CNTNAP4: variants seen among roughly 807,000 people sequenced by gnomAD.
CNTNAP4 encodes contactin associated protein family member 4.
Under a neutral mutation model 148.4 loss-of-function variants are expected in CNTNAP4, and 98 were observed. That is an observed-to-expected ratio of 0.66 (90% confidence interval 0.56 to 0.78). CNTNAP4 has a LOEUF of 0.78. CNTNAP4 is among the 30% of genes least tolerant of loss of function. CNTNAP4 has a pLI of 0.00. For synonymous variants in CNTNAP4, 730 were observed against 565.1 expected, an observed-to-expected ratio of 1.29 and a Z score of -4.14; for missense variants, 1,935 against 1,565.6, an observed-to-expected ratio of 1.24 and a Z score of -3.98.
chr16:76,479,656 G>C (rs781617429), intron 12 of CNTNAP4, 118 bp downstream of exon 12: 29 of 999,250 alleles, frequency 2.9e-5, no homozygotes, highest in Non-Finnish European at 4.2e-5. Context: ...AATATGTATT[G>C]TTCCTTAGAA....
At chr16:76,352,478 G>T (rs1299968735) in intron 2 of CNTNAP4, among the ~76,000 whole-genome samples, 4 of 152,106 alleles carry the variant, frequency 2.6e-5, no homozygotes, top group Non-Finnish European at 4.4e-5. Flanking sequence ...TCCCACCTTT[G>T]CATCCTGACC....
chr16:76,323,518 T>C (rs1160433934), intron 2 of CNTNAP4, among the ~76,000 whole-genome samples: 3 of 152,194 alleles, frequency 2.0e-5, no homozygotes, highest in Non-Finnish European at 4.4e-5. Context: ...AATATGCTGA[T>C]ATCTTCTATT....
At chr16:76,309,890 C>A (rs1266609122) in intron 1 of CNTNAP4, 3 of 701,732 alleles carry the variant, frequency 4.3e-6, no homozygotes, top group Non-Finnish European at 7.8e-6. Flanking sequence ...CTGAGGCCTT[C>A]CCAGCTATGT....
intron 14 of CNTNAP4, among the ~76,000 whole-genome samples, chr16:76,496,045 A>T (rs2082388669): frequency 6.6e-6 from 1 of 151,236 alleles, no homozygotes; most frequent in Admixed American, 6.6e-5. Flanking sequence ...AGATTATATC[A>T]TACAACAGAT....
chr16:76,359,031 G>T (rs766591613), intron 3 of CNTNAP4, among the ~76,000 whole-genome samples: 12 of 152,116 alleles, frequency 7.9e-5, no homozygotes, highest in Non-Finnish European at 1.6e-4. Context: ...GAAATATGGT[G>T]AATTGTGCCC....
intron 1 of CNTNAP4, among the ~76,000 whole-genome samples, chr16:76,310,100 A>G (rs565635327): frequency 6.6e-6 from 1 of 151,920 alleles, no homozygotes; most frequent in African/African-American, 2.4e-5. Flanking sequence ...GCTAGTTGCT[A>G]CAGGTTCTGT....
intron 4 of CNTNAP4, among the ~76,000 whole-genome samples, chr16:76,430,438 A>G (rs544898264): frequency 6.6e-6 from 1 of 152,178 alleles, no homozygotes; most frequent in Non-Finnish European, 1.5e-5. Flanking sequence ...TCCTGTTGCA[A>G]GAGTTTGTCT....
intron 3 of CNTNAP4, among the ~76,000 whole-genome samples, chr16:76,421,767 C>A (rs1193878301): frequency 1.3e-5 from 2 of 152,124 alleles, no homozygotes; most frequent in African/African-American, 4.8e-5. Context: ...ATTCTCACAA[C>A]AAGGGAGGTT....
intron 2 of CNTNAP4, among the ~76,000 whole-genome samples, chr16:76,320,416 G>A (rs928977967): frequency 6.6e-6 from 1 of 152,122 alleles, no homozygotes; most frequent in African/African-American, 2.4e-5. Flanking sequence ...AACATTCTTG[G>A]CCTATTCATA....
At chr16:76,416,590 T>A (rs2078991533) in intron 3 of CNTNAP4, among the ~76,000 whole-genome samples, 1 of 151,478 alleles carries the variant, frequency 6.6e-6, no homozygotes, top group Non-Finnish European at 1.5e-5. Flanking sequence ...AATTCCTTTA[T>A]GACCTGAGAG....
chr16:76,449,780 A>C lies in CNTNAP4; in HGVS notation c.993A>C (p.Gly331=). Residue 331 remains glycine, a synonymous_variant, in exon 7 of 24, where the codon GGA becomes GGC. Transcript: ENST00000611870. ...SVSFPHRNFH[G]CLENLYYNGV... is the part of the protein sequence containing the mutation. ...CATTCCCACATAGAAATTTTCATGG[A>C]TGTTTAGAAAATCTCTATTATAATG... 6.3e-7 allele frequency: 1 copy of C among 1,599,198 alleles called. No homozygotes were observed. The highest frequency in any genetic ancestry group is 8.5e-7 in the Non-Finnish European group (1 of 1,172,062).
At chr16:76,355,280 C>T in intron 2 of CNTNAP4, 38 bp from the exon 3 acceptor site, 1 of 1,443,320 alleles carries the variant, frequency 6.9e-7, no homozygotes, top group Non-Finnish European at 9.2e-7. Flanking sequence ...ACTAACTTTC[C>T]TTTCTCAATT....
chr16:76,301,086 C>T (rs561117410), intron 1 of CNTNAP4, among the ~76,000 whole-genome samples: 101 of 152,042 alleles, frequency 6.6e-4, no homozygotes, highest in African/African-American at 2.3e-3. Context: ...CAAAGAAAAA[C>T]TATACCATAG....
chr16:76,372,674 T>C (rs576003270), intron 3 of CNTNAP4, among the ~76,000 whole-genome samples: 1 of 143,272 alleles, frequency 7.0e-6, no homozygotes, highest in South Asian at 2.1e-4. Context: ...CTGCCATGAT[T>C]GTGAGGCCTC....
intron 3 of CNTNAP4, among the ~76,000 whole-genome samples, chr16:76,409,942 G>A (rs979227187): frequency 6.1e-4 from 93 of 151,840 alleles, no homozygotes; most frequent in African/African-American, 2.1e-3. Flanking sequence ...GAAGGAGGCA[G>A]ATGTTAATCT....
intron 3 of CNTNAP4, among the ~76,000 whole-genome samples, chr16:76,409,993 G>A (rs941691062): frequency 2.6e-5 from 4 of 151,882 alleles, no homozygotes; most frequent in Non-Finnish European, 5.9e-5. Flanking sequence ...TTGGAAGTAA[G>A]TATTCTTATC....
intron 12 of CNTNAP4, among the ~76,000 whole-genome samples, chr16:76,485,062 A>G (rs1468345704): frequency 6.6e-6 from 1 of 152,216 alleles, no homozygotes; most frequent in Non-Finnish European, 1.5e-5. Flanking sequence ...TTTCAAAATA[A>G]TTAGTTAGAG....
chr16:76,282,099 A>C (rs1427563682), intron 1 of CNTNAP4, among the ~76,000 whole-genome samples: 2 of 151,942 alleles, frequency 1.3e-5, no homozygotes, highest in African/African-American at 4.8e-5. Flanking sequence ...TACTTCTATG[A>C]TAAAATTTAG....
chr16:76,541,821 C>A (rs1397636207), intron 21 of CNTNAP4, among the ~76,000 whole-genome samples: 1 of 152,044 alleles, frequency 6.6e-6, no homozygotes, highest in African/African-American at 2.4e-5. Flanking sequence ...AGGGGAAATA[C>A]CATGAATTGC....
Sources: allele counts gnomAD v4.1 joint callset (sites outside exome capture counted in the v4.1 genomes callset), GRCh38; gene constraint gnomAD v4.1.1; transcripts MANE v1.5; gene names NCBI Gene and HGNC (gene_info 2026-07-23, HGNC 2026-07-21).